The following DCHS2 variants were observed in gnomAD, a reference collection of about 807,000 sequenced individuals.
DCHS2 encodes the protein dachsous cadherin-related 2.
A neutral mutation model predicts 182.4 loss-of-function variants in DCHS2; 142 were observed. The observed-to-expected ratio is 0.78, with a 90% confidence interval of 0.68 to 0.89. The LOEUF is 0.89. DCHS2 is among the 40% of genes least tolerant of loss of function. The pLI is 0.00. For synonymous variants in DCHS2, 1,740 were observed against 1,663.3 expected, an observed-to-expected ratio of 1.05 and a Z score of -1.12; for missense variants, 4,319 against 4,198.6, an observed-to-expected ratio of 1.03 and a Z score of -0.79.
At position 154,328,082 on chromosome 4, in the gene DCHS2, G is replaced by C. The variant is rs769280705; in HGVS notation, c.4018+11C>G. The C allele has an allele frequency of 5.1e-6, 8 of 1,580,138 alleles. No homozygotes were observed. The South Asian group carries it at 9.4e-5, about 19-fold the overall frequency. On this transcript the variant is annotated intron_variant, in intron 7 of 19. Coordinates refer to ENST00000357232, the MANE Select transcript of DCHS2 (RefSeq NM_001358235.2). Reference sequence around the variant, plus strand: ...AAAAGTTCTTAATCCCGTATGAACAGTAAGTTTTACCTGAAGATACTGAGT... The same window carrying C: ...AAAAGTTCTTAATCCCGTATGAACACTAAGTTTTACCTGAAGATACTGAGT...
At chr4:154,252,442 A>G (rs1397528274) in intron 16 of DCHS2, among the ~76,000 whole-genome samples, 2 of 152,060 alleles carry the variant, frequency 1.3e-5, no homozygotes, top group Non-Finnish European at 2.9e-5. Flanking sequence ...CATTCCAACT[A>G]TATTTTGTAA....
rs181234448 is a variant in DCHS2 at position 154,411,500 on chromosome 4, G to T, written c.2053-34056C>A. 4.8e-4 allele frequency among the ~76,000 whole-genome samples: 73 copies of T among 152,158 alleles called. No individual in the cohort carries two copies. In the East Asian group the frequency reaches 0.012, roughly 25 times the overall value. ...TAGTCCCAGCTACTCGGGAGGCTGA[G>T]GCAGAAGAATCGCTTGAACCTGGGA... is the stretch of plus-strand genomic sequence containing the variant. On this transcript the variant is annotated intron_variant, in intron 1 of 19. Transcript: ENST00000357232.
At chr4:154,449,326 A>C (rs537264770) in intron 1 of DCHS2, among the ~76,000 whole-genome samples, 1 of 152,018 alleles carries the variant, frequency 6.6e-6, no homozygotes, top group South Asian at 2.1e-4. Flanking sequence ...CCATATCTCC[A>C]TTCCACAGGT....
intron 12 of DCHS2, 39 bp downstream of exon 12, chr4:154,304,630 A>T: frequency 6.9e-7 from 1 of 1,448,320 alleles, no homozygotes; most frequent in Non-Finnish European, 9.2e-7. Context: ...CTCTGTCTTA[A>T]AAAAACAAAC....
chr4:154,296,559 A>G (rs1429491881), intron 13 of DCHS2, among the ~76,000 whole-genome samples: 2 of 152,226 alleles, frequency 1.3e-5, no homozygotes, highest in African/African-American at 4.8e-5. Flanking sequence ...TTGAGATGTT[A>G]AGTTTAATAA....
chr4:154,445,119 G>T (rs748433708), intron 1 of DCHS2, among the ~76,000 whole-genome samples: 26 of 152,098 alleles, frequency 1.7e-4, no homozygotes, highest in Non-Finnish European at 3.2e-4. Flanking sequence ...TCATACATTT[G>T]TCACTATGCA....
intron 12 of DCHS2, among the ~76,000 whole-genome samples, chr4:154,302,786 C>CTTTCATATATATA (rs1554004775): frequency 3.6e-5 from 5 of 137,588 alleles, no homozygotes; most frequent in Admixed American, 7.3e-5. Flanking sequence ...GGGAGGATGC[C>CTTTCATATATATA]TTTCATATAT....
intron 1 of DCHS2, among the ~76,000 whole-genome samples, chr4:154,479,274 A>G (rs1236314422): frequency 6.6e-6 from 1 of 152,170 alleles, no homozygotes; most frequent in Non-Finnish European, 1.5e-5. Flanking sequence ...TGAAGAATAG[A>G]AAAGAAAATT....
intron 19 of DCHS2, among the ~76,000 whole-genome samples, chr4:154,238,526 T>C (rs929608901): frequency 4.6e-5 from 7 of 152,200 alleles, no homozygotes; most frequent in African/African-American, 1.7e-4. Context: ...CCACTCACTG[T>C]TCAACTTTCT....
intron 1 of DCHS2, among the ~76,000 whole-genome samples, chr4:154,489,092 G>A (rs1387854557): frequency 6.8e-6 from 1 of 148,018 alleles, no homozygotes; most frequent in Non-Finnish European, 1.5e-5. Context: ...CAAGTTGAAA[G>A]GACCTTAGAG....
At position 154,360,046 on chromosome 4, in the gene DCHS2, T is replaced by A. The variant is rs572774007; in HGVS notation, c.2476+6164A>T. 1.3e-3 allele frequency among the ~76,000 whole-genome samples: 204 copies of A among 152,140 alleles called. 3 individuals are homozygous for A. Among genetic ancestry groups the A allele is most frequent in the Admixed American group, 0.011 (161 of 15,262 alleles). ...GAAGTGCAAGAAGTAAATTCAAGTG[T>A]CAGGTTTACTACTGTGTCTTTGAGT... On this transcript the variant is annotated intron_variant, in intron 3 of 19. Transcript: ENST00000357232.
intron 3 of DCHS2, among the ~76,000 whole-genome samples, chr4:154,341,706 C>T (rs1383191578): frequency 6.6e-6 from 1 of 151,874 alleles, no homozygotes. Context: ...AACAAAAAAC[C>T]TGTCCATCAA....
At chr4:154,305,825 T>C (rs969299755) in intron 10 of DCHS2, among the ~76,000 whole-genome samples, 9 of 152,216 alleles carry the variant, frequency 5.9e-5, no homozygotes, top group Non-Finnish European at 1.2e-4. Context: ...ATTTCTCCCC[T>C]GAGAAAAGTA....
intron 1 of DCHS2, among the ~76,000 whole-genome samples, chr4:154,451,452 T>G (rs758050225): frequency 6.6e-5 from 10 of 152,166 alleles, no homozygotes; most frequent in Non-Finnish European, 1.5e-4. Flanking sequence ...TATTAATATA[T>G]ATAGGCTCAA....
chr4:154,445,065 A>G (rs959187359), intron 1 of DCHS2, among the ~76,000 whole-genome samples: 4 of 152,192 alleles, frequency 2.6e-5, no homozygotes, highest in African/African-American at 9.6e-5. Flanking sequence ...TATCTGAAAG[A>G]GCAATGGCTG....
intron 3 of DCHS2, among the ~76,000 whole-genome samples, chr4:154,354,290 AGTT>A (rs1729759352): frequency 1.3e-5 from 2 of 152,200 alleles, no homozygotes; most frequent in South Asian, 4.1e-4. Flanking sequence ...TGGCTTTAAT[AGTT>A]GTTAATACTT....
intron 3 of DCHS2, among the ~76,000 whole-genome samples, chr4:154,335,909 A>G (rs904417998): frequency 6.6e-6 from 1 of 152,218 alleles, no homozygotes; most frequent in Non-Finnish European, 1.5e-5. Context: ...GCCCGAGATG[A>G]CAGAAGATCA....
chr4:154,234,385 A>C lies in DCHS2; in HGVS notation c.*151T>G. ...TCATTAAGGCTGGAAGAAATTGGAG[A>C]AACTTTAATGGGGAAGTTTTAAAAA... On this transcript the variant is annotated 3_prime_UTR_variant, in exon 20 of 20. Transcript: ENST00000357232. 2.7e-6 allele frequency: 3 copies of C among 1,124,774 alleles called. No homozygotes were observed. The highest frequency in any genetic ancestry group is 3.6e-6 in the Non-Finnish European group (3 of 824,946). 69.7% of individuals were successfully genotyped at this position (1,124,774 alleles called of 1,614,324 possible). A position where few individuals can be genotyped will look rare whatever the true frequency, so the allele number is the denominator to read the frequency against.
At chr4:154,338,006 G>A (rs1335183936) in intron 3 of DCHS2, among the ~76,000 whole-genome samples, 1 of 152,120 alleles carries the variant, frequency 6.6e-6, no homozygotes, top group Non-Finnish European at 1.5e-5. Flanking sequence ...AAAGTACTGG[G>A]ATTATAGGTG....
Sources: allele counts gnomAD v4.1 joint callset (sites outside exome capture counted in the v4.1 genomes callset), GRCh38; gene constraint gnomAD v4.1.1; transcripts MANE v1.5; gene names NCBI Gene and HGNC (gene_info 2026-07-23, HGNC 2026-07-21).